The following CUEDC1 variants were observed in gnomAD, a reference collection of about 807,000 sequenced individuals.
CUEDC1 encodes CUE domain-containing protein 1.
In CUEDC1, 30 loss-of-function variants were observed where a neutral mutation model predicts 43.7. The observed-to-expected ratio is 0.69, with a 90% CI of 0.51 to 0.93. The LOEUF is 0.93. CUEDC1 is among the 40% of genes least tolerant of loss of function. The pLI is 0.00. For missense variants in CUEDC1, 486 were observed against 549.0 expected (o/e 0.89, Z 1.15); for synonymous variants, 223 against 223.6 (o/e 1.00, Z 0.02).
intron 1 of CUEDC1, among the ~76,000 whole-genome samples, chr17:57,907,643 C>T (rs918451961): frequency 5.9e-5 from 9 of 151,926 alleles, no homozygotes; most frequent in African/African-American, 1.2e-4. Context: ...GTCAGGAGTT[C>T]GATACCAGCT....
Position 57,930,695 on chromosome 17 carries a change from T to C in CUEDC1, c.-316+24530A>G, listed in dbSNP as rs1199024713. On this transcript the variant is annotated intron_variant, in intron 1 of 10. Transcript: ENST00000577830. This position sits in a 1 kb window ranked among gnomAD's most constrained non-coding sequence, Gnocchi z 4.2. ...CACTTTCTACTTCTTAAAAAGAAGA[T>C]ATCCACATCTATCGTGAAAGCTGAG... 6.6e-6 allele frequency among the ~76,000 whole-genome samples: 1 copy of C among 152,170 alleles called. No individual in the cohort carries two copies. The highest frequency in any genetic ancestry group is 1.5e-5 in the Non-Finnish European group (1 of 68,030).
intron 1 of CUEDC1, among the ~76,000 whole-genome samples, chr17:57,914,406 C>T (rs891943674): frequency 3.9e-5 from 6 of 152,096 alleles, no homozygotes; most frequent in Admixed American, 3.9e-4. Flanking sequence ...GTCCTTGCTC[C>T]CTGTGCCTTA....
intron 1 of CUEDC1, among the ~76,000 whole-genome samples, chr17:57,927,247 G>A (rs990891502): frequency 4.6e-5 from 7 of 152,140 alleles, no homozygotes; most frequent in African/African-American, 1.4e-4. Flanking sequence ...TGGGCAGCAG[G>A]AGGTGAAGCC....
intron 1 of CUEDC1, among the ~76,000 whole-genome samples, chr17:57,899,900 C>T (rs1236069270): frequency 1.3e-5 from 2 of 152,098 alleles, no homozygotes; most frequent in Non-Finnish European, 2.9e-5. Flanking sequence ...CCACCCCCTT[C>T]ATTAGGCTGA....
At chr17:57,936,683 C>T (rs766646797) in intron 1 of CUEDC1, among the ~76,000 whole-genome samples, 5 of 152,084 alleles carry the variant, frequency 3.3e-5, no homozygotes, top group Non-Finnish European at 7.4e-5. Context: ...AGCCGCAACC[C>T]GGGTGAGGCT....
chr17:57,885,187 G>T, intron 2 of CUEDC1, 42 bp downstream of exon 2: 1 of 1,508,436 alleles, frequency 6.6e-7, no homozygotes, highest in Non-Finnish European at 8.9e-7. Context: ...GGGGGATGCT[G>T]TCCTCCAGTG....
At chr17:57,939,024 A>G (rs1438902711) in intron 1 of CUEDC1, among the ~76,000 whole-genome samples, 5 of 114,912 alleles carry the variant, frequency 4.4e-5, no homozygotes, top group Admixed American at 1.2e-4. Context: ...CAGGAGTGCA[A>G]TGGCATGATC....
At chr17:57,929,531 T>C (rs960282866) in intron 1 of CUEDC1, among the ~76,000 whole-genome samples, 1 of 152,172 alleles carries the variant, frequency 6.6e-6, no homozygotes, top group Non-Finnish European at 1.5e-5. Flanking sequence ...CTTAGCACAA[T>C]ATCCAAGCAT....
chr17:57,940,676 C>T (rs1256471939), intron 1 of CUEDC1, among the ~76,000 whole-genome samples: 1 of 152,216 alleles, frequency 6.6e-6, no homozygotes, highest in Non-Finnish European at 1.5e-5. Flanking sequence ...ATTTTTCAGC[C>T]TGGGCCCTTC....
intron 1 of CUEDC1, among the ~76,000 whole-genome samples, chr17:57,947,029 C>T (rs117309878): frequency 2.4e-4 from 36 of 151,976 alleles, no homozygotes; most frequent in Admixed American, 5.2e-4. Flanking sequence ...AGCCTGAAAC[C>T]GAAACTAATC....
rs74440213 is a variant in CUEDC1 at position 57,866,838 on chromosome 17, G to A, written c.1094-294C>T. 3 of 431,420 alleles carry A rather than the reference G, an allele frequency of 7.0e-6. No individual in the cohort carries two copies. In the South Asian group the frequency reaches 7.6e-5, roughly 11 times the overall value. 26.7% of individuals were successfully genotyped at this position (431,420 alleles called of 1,614,324 possible). ...GATGGAAAAGCTGGACTATCTAGAT[G>A]ACCTCTGAGGCCCTTCCAGTCCTTG... On this transcript the variant is annotated intron_variant, in intron 9 of 10. Coordinates refer to ENST00000577830, the MANE Select transcript of CUEDC1 (RefSeq NM_001271875.2).
intron 1 of CUEDC1, among the ~76,000 whole-genome samples, chr17:57,951,193 C>A (rs1328712471): frequency 6.6e-6 from 1 of 151,068 alleles, no homozygotes; most frequent in Non-Finnish European, 1.5e-5. Context: ...AATTTGTGTA[C>A]CGCTGTGCAG....
At chr17:57,945,397 A>G (rs145329317) in intron 1 of CUEDC1, among the ~76,000 whole-genome samples, 118 of 152,370 alleles carry the variant, frequency 7.7e-4, no homozygotes, top group African/African-American at 2.8e-3. Flanking sequence ...CCCCATGCCC[A>G]AAGTCTAACT....
chr17:57,869,144 G>A lies in CUEDC1; in HGVS notation c.918C>T (p.Asp306=). The A allele has an allele frequency of 6.2e-7, 1 of 1,614,108 alleles. No homozygotes were observed. Among genetic ancestry groups the A allele is most frequent in the Non-Finnish European group, 8.5e-7 (1 of 1,180,002 alleles). The change falls in exon 7 of 11, where the codon GAC becomes GAT. Residue 306 remains aspartate, a synonymous_variant. Transcript: ENST00000577830. ...PAVSEDALFR[D]KLKHMGKSTR... ...CACACTTTCCCATGTGTTTCAGCTTGTCCCTGAATAAGGCATCTTCAGACA... is the reference window on the plus strand; with the variant it reads ...CACACTTTCCCATGTGTTTCAGCTTATCCCTGAATAAGGCATCTTCAGACA...
intron 1 of CUEDC1, among the ~76,000 whole-genome samples, chr17:57,900,890 A>C (rs886199672): frequency 1.4e-4 from 22 of 152,208 alleles, no homozygotes; most frequent in African/African-American, 5.3e-4. Flanking sequence ...TCAGTCTAAG[A>C]AGTCAAATGT....
intron 2 of CUEDC1, among the ~76,000 whole-genome samples, chr17:57,881,826 C>T (rs961926328): frequency 3.3e-5 from 5 of 152,164 alleles, no homozygotes; most frequent in African/African-American, 1.2e-4. Flanking sequence ...GCAGCAAGAC[C>T]AGACAGACGT....
intron 3 of CUEDC1, among the ~76,000 whole-genome samples, chr17:57,876,100 C>T (rs1345059662): frequency 6.6e-6 from 1 of 152,182 alleles, no homozygotes; most frequent in Non-Finnish European, 1.5e-5. Context: ...CATTCCCCCA[C>T]TCAAATCTGA....
At position 57,930,228 on chromosome 17, in the gene CUEDC1, C is replaced by T. The variant is rs565442686; in HGVS notation, c.-316+24997G>A. Among the ~76,000 whole-genome samples, 6 of 152,336 alleles carry T rather than the reference C, an allele frequency of 3.9e-5. No individual in the cohort carries two copies. In the East Asian group the frequency reaches 1.2e-3, roughly 29 times the overall value. On this transcript the variant is annotated intron_variant, in intron 1 of 10. Coordinates refer to ENST00000577830, the MANE Select transcript of CUEDC1 (RefSeq NM_001271875.2). The surrounding 1 kb of genome is among the most constrained non-coding windows in gnomAD (Gnocchi z 4.2). ...ACCAGGTGATGTCAGCGCTGCTGGT[C>T]TAGGGACCTGACTTTGGGTAGCAAG...
At chr17:57,945,550 T>C (rs1010107016) in intron 1 of CUEDC1, among the ~76,000 whole-genome samples, 2 of 152,188 alleles carry the variant, frequency 1.3e-5, no homozygotes, top group Non-Finnish European at 2.9e-5. Flanking sequence ...CTGAAAAGAA[T>C]TGGAATAAAA....
Sources: allele counts gnomAD v4.1 joint callset (sites outside exome capture counted in the v4.1 genomes callset), GRCh38; gene constraint gnomAD v4.1.1; non-coding constraint Gnocchi (gnomAD v3.1); transcripts MANE v1.5; gene names NCBI Gene and HGNC (gene_info 2026-07-23, HGNC 2026-07-21).